Variants in RGS7 observed in about 807,000 individuals in gnomAD.
The protein encoded by RGS7 is regulator of G-protein signaling 7.
In RGS7, 27 loss-of-function variants were observed where a neutral mutation model predicts 81.1. The observed-to-expected ratio is 0.33, with a 90% confidence interval of 0.25 to 0.46. The LOEUF is 0.46. RGS7 is among the 20% of genes least tolerant of loss of function. The pLI is 1.00. For synonymous variants in RGS7, 208 were observed against 207.7 expected (o/e 1.00, Z -0.01); for missense variants, 396 against 607.4 (o/e 0.65, Z 3.66).
chr1:241,045,999 A>ATTTAGACTTTTTTTTTTTTTTTTTTTTTT (rs2148787541), intron 3 of RGS7, among the ~76,000 whole-genome samples: 1 of 145,676 alleles, frequency 6.9e-6, no homozygotes, highest in African/African-American at 2.5e-5. Flanking sequence ...TACCTTTGGC[A>ATTTAGACTTTTTTTTTTTTTTTTTTTTTT]TTTAGACTTT....
chr1:241,135,535 C>T (rs1170245746), intron 2 of RGS7, among the ~76,000 whole-genome samples: 1 of 152,118 alleles, frequency 6.6e-6, no homozygotes. Flanking sequence ...TCACCACTTC[C>T]GGGATGCCTC....
At chr1:241,113,643 T>C (rs77402739) in intron 2 of RGS7, among the ~76,000 whole-genome samples, 4,565 of 152,352 alleles carry the variant, frequency 0.03, 216 homozygotes, top group African/African-American at 0.11. Context: ...CTTTGTTGCT[T>C]AGCAGAGCCA....
At position 240,857,045 on chromosome 1, in the gene RGS7, T is replaced by C. The variant is rs570640105; in HGVS notation, c.609+11542A>G. ...GACACACAGTGGAACAACCATCAGC[T>C]TTTCTATATAGGTGGACCTGATGTT... On this transcript the variant is annotated intron_variant, in intron 9 of 18. Coordinates refer to ENST00000440928, the MANE Select transcript of RGS7 (RefSeq NM_001364886.1). Among the ~76,000 whole-genome samples the C allele has an allele frequency of 2.1e-4, 32 of 152,276 alleles. No homozygotes were observed. The South Asian group carries it at 6.4e-3, about 31-fold the overall frequency.
chr1:241,206,210 C>A (rs2073871500), intron 2 of RGS7, among the ~76,000 whole-genome samples: 1 of 151,044 alleles, frequency 6.6e-6, no homozygotes, highest in African/African-American at 2.4e-5. Context: ...ATCCATTTGC[C>A]CCATGACTTA....
chr1:241,219,787 C>T (rs1321138275), intron 2 of RGS7, among the ~76,000 whole-genome samples: 1 of 152,142 alleles, frequency 6.6e-6, no homozygotes. Context: ...AGGTACATAT[C>T]TTTACTCACA....
intron 2 of RGS7, among the ~76,000 whole-genome samples, chr1:241,208,971 T>A (rs185281198): frequency 8.1e-4 from 124 of 152,286 alleles, no homozygotes; most frequent in Non-Finnish European, 1.5e-3. Context: ...GCAGAACAGG[T>A]GCTCCAGTGG....
intron 2 of RGS7, among the ~76,000 whole-genome samples, chr1:241,176,332 G>A (rs753624916): frequency 2.6e-5 from 4 of 152,162 alleles, no homozygotes; most frequent in Non-Finnish European, 4.4e-5. Flanking sequence ...TGGAAAGACC[G>A]AAGCTATCCA....
intron 6 of RGS7, among the ~76,000 whole-genome samples, chr1:240,901,096 G>T (rs150872122): frequency 0.12 from 18,906 of 151,880 alleles, 1,313 homozygotes; most frequent in Middle Eastern, 0.18. Flanking sequence ...TCCGAGCCAG[G>T]CATGGGATAT....
rs1677307529 is a variant in RGS7 at position 240,940,009 on chromosome 1, G to A, written c.227-3303C>T. Among the ~76,000 whole-genome samples the A allele has an allele frequency of 2.6e-5, 4 of 152,164 alleles. No homozygotes were observed. In the South Asian group the frequency reaches 8.3e-4, roughly 32 times the overall value. On this transcript the variant is annotated intron_variant, in intron 4 of 18. Coordinates refer to ENST00000440928, the MANE Select transcript of RGS7 (RefSeq NM_001364886.1). ...GCATGAGAACCACCTGAATTCGGGA[G>A]GTGGAGGTTGTAGTTAGCAGAGATC...
intron 6 of RGS7, among the ~76,000 whole-genome samples, chr1:240,901,822 C>G (rs938931183): frequency 6.6e-6 from 1 of 152,200 alleles, no homozygotes; most frequent in Non-Finnish European, 1.5e-5. Flanking sequence ...AGTATTCTCC[C>G]AGACCTCTGC....
chr1:240,867,681 C>G (rs1044103906), intron 9 of RGS7, among the ~76,000 whole-genome samples: 7 of 152,088 alleles, frequency 4.6e-5, no homozygotes, highest in African/African-American at 1.7e-4. Context: ...AGTCAACAAC[C>G]AAAGCAGGCT....
chr1:241,101,584 C>T (rs1388933729), intron 2 of RGS7, among the ~76,000 whole-genome samples: 2 of 151,884 alleles, frequency 1.3e-5, no homozygotes, highest in Admixed American at 1.3e-4. Flanking sequence ...AACCAAATAC[C>T]AAATACCCCA....
chr1:241,230,958 C>T (rs532836176), intron 2 of RGS7, among the ~76,000 whole-genome samples: 6 of 152,310 alleles, frequency 3.9e-5, no homozygotes, highest in East Asian at 3.9e-4. Flanking sequence ...ATTTCCTCAT[C>T]TTTTCAAGTT....
intron 2 of RGS7, among the ~76,000 whole-genome samples, chr1:241,263,842 C>A (rs536598618): frequency 6.6e-6 from 1 of 152,184 alleles, no homozygotes; most frequent in East Asian, 1.9e-4. Flanking sequence ...CTCTGGGGAC[C>A]AGAAAGAGGG....
At chr1:241,050,685 T>C (rs2061201297) in intron 3 of RGS7, among the ~76,000 whole-genome samples, 1 of 152,054 alleles carries the variant, frequency 6.6e-6, no homozygotes, top group Non-Finnish European at 1.5e-5. Context: ...CCTCCTCCTC[T>C]TTCTCTTCCT....
At chr1:241,301,462 T>G (rs144413651) in intron 2 of RGS7, among the ~76,000 whole-genome samples, 1 of 152,312 alleles carries the variant, frequency 6.6e-6, no homozygotes, top group East Asian at 1.9e-4. Context: ...TTTCACAGCA[T>G]GTTACCCTGA....
intron 2 of RGS7, among the ~76,000 whole-genome samples, chr1:241,297,392 G>A (rs914450717): frequency 6.6e-6 from 1 of 152,218 alleles, no homozygotes; most frequent in Non-Finnish European, 1.5e-5. Context: ...GTGAATTGCT[G>A]TAATGAGATA....
At chr1:241,267,163 T>C (rs955637549) in intron 2 of RGS7, among the ~76,000 whole-genome samples, 3 of 152,206 alleles carry the variant, frequency 2.0e-5, no homozygotes, top group African/African-American at 7.2e-5. Context: ...TCTCAGTTTC[T>C]CCCACTTCCC....
intron 3 of RGS7, among the ~76,000 whole-genome samples, chr1:240,992,963 C>T (rs536806899): frequency 1.8e-4 from 27 of 151,452 alleles, no homozygotes; most frequent in Middle Eastern, 3.2e-3. Flanking sequence ...TGTAGCGAGT[C>T]GAGATTGCAT....
Sources: gnomAD v4.1 joint callset for allele counts (sites outside exome capture counted in the v4.1 genomes callset) on GRCh38, gnomAD v4.1.1 for gene constraint, MANE v1.5 for transcripts, NCBI Gene and HGNC (gene_info 2026-07-23, HGNC 2026-07-21) for gene names.